The following PPEF1 variants were observed in gnomAD, a reference collection of about 807,000 sequenced individuals.
The protein encoded by PPEF1 is serine/threonine-protein phosphatase with EF-hands 1.
Under a neutral mutation model 53.3 loss-of-function variants are expected in PPEF1, and 12 were observed. The ratio of observed to expected loss-of-function variants is 0.23; its 90% CI spans 0.14 to 0.36. The LOEUF is 0.36. Ranked by LOEUF, PPEF1 falls within the 10% of genes least tolerant of loss-of-function variation. PPEF1 has a pLI of 1.00. For missense variants in PPEF1, 334 were observed against 490.4 expected, an observed-to-expected ratio of 0.68 and a Z score of 3.01; for synonymous variants, 165 against 176.7, an observed-to-expected ratio of 0.93 and a Z score of 0.52.
chrX:18,809,986 C>A (rs1340445916), intron 12 of PPEF1, among the ~76,000 whole-genome samples: 2 of 110,027 alleles, frequency 1.8e-5, no homozygotes, highest in Non-Finnish European at 3.8e-5. Flanking sequence ...TATATCAAAT[C>A]ATCACATTGT....
At position 18,783,894 on chromosome X, in the gene PPEF1, T is replaced by C. The variant is rs1431644260; in HGVS notation, c.763-5T>C. 1 of 1,204,825 alleles carries C rather than the reference T, an allele frequency of 8.3e-7. No individual in the cohort carries two copies. Among genetic ancestry groups the C allele is most frequent in the African/African-American group, 1.8e-5 (1 of 56,975 alleles). ...AACAAAACTTACTCAAGCTCTTACT[T>C]ACAGCTACATGGAAAAAGAATCTTA... is the stretch of plus-strand genomic sequence containing the variant. On this transcript the variant is annotated splice_polypyrimidine_tract_variant and splice_region_variant and intron_variant, in intron 8 of 15. Coordinates refer to ENST00000470157, the MANE Select transcript of PPEF1 (RefSeq NM_001377996.1).
At chrX:18,780,841 T>A (rs1411886060) in intron 7 of PPEF1, among the ~76,000 whole-genome samples, 2 of 108,787 alleles carry the variant, frequency 1.8e-5, no homozygotes, top group African/African-American at 6.7e-5. Context: ...GATCATGAGG[T>A]CAGGAGATTG....
rs151222000 is a variant in PPEF1, at chrX:18,749,816, G to A, written c.260G>A (p.Ser87Asn). 1 of 1,132,296 alleles carries A rather than the reference G, an allele frequency of 8.8e-7. No individual in the cohort carries two copies. The highest frequency in any genetic ancestry group is 2.2e-5 in the African/African-American group (1 of 45,670). 93.3% of individuals were successfully genotyped at this position (1,132,296 alleles called of 1,213,427 possible). ...ELELRNQSLE[S>N]EQDMRDRWDY... ...GAATTAAGAAATCAGTCTCTTGAAA[G>A]CGAACAGGACATGAGGGATAGATGG... Residue 87 changes from serine to asparagine, a missense_variant, in exon 4 of 16, where the codon AGC becomes AAC. Physicochemically the swap from Ser to Asn is conservative, Grantham distance 46. Transcript: ENST00000470157.
At chrX:18,688,167 T>A (rs1479313778) in intron 3 of PPEF1, among the ~76,000 whole-genome samples, 1 of 112,153 alleles carries the variant, frequency 8.9e-6, no homozygotes, top group Non-Finnish European at 1.9e-5. Context: ...CTAGTTTTTT[T>A]AAATGGCAAT....
intron 12 of PPEF1, among the ~76,000 whole-genome samples, chrX:18,811,725 A>C: frequency 9.4e-6 from 1 of 105,846 alleles, no homozygotes; most frequent in Middle Eastern, 4.9e-3. Flanking sequence ...CTCCTGCCTC[A>C]GCCTCTGAAG....
intron 6 of PPEF1, among the ~76,000 whole-genome samples, chrX:18,770,365 C>G (rs888112144): frequency 9.0e-6 from 1 of 111,554 alleles, no homozygotes; most frequent in Non-Finnish European, 1.9e-5. Flanking sequence ...TCTTACACAT[C>G]CAAATGAGTC....
chrX:18,736,107 G>A (rs948926999), intron 3 of PPEF1, among the ~76,000 whole-genome samples: 4 of 111,255 alleles, frequency 3.6e-5, no homozygotes, highest in Non-Finnish European at 7.5e-5. Flanking sequence ...TTTCCTAATT[G>A]AATACCCTTT....
intron 8 of PPEF1, 133 bp downstream of exon 8, chrX:18,782,535 T>C: frequency 2.2e-6 from 1 of 462,546 alleles, no homozygotes; most frequent in South Asian, 4.0e-5. Flanking sequence ...TGCATGCCAA[T>C]AAAATACAAG....
chrX:18,735,641 G>A (rs2044959039), intron 3 of PPEF1, among the ~76,000 whole-genome samples: 1 of 112,043 alleles, frequency 8.9e-6, no homozygotes, highest in East Asian at 2.8e-4. Context: ...GAACTTTAAA[G>A]TAGTTTTTTC....
intron 1 of PPEF1, among the ~76,000 whole-genome samples, chrX:18,719,521 A>C (rs2044534919): frequency 9.2e-6 from 1 of 109,161 alleles, no homozygotes; most frequent in African/African-American, 3.3e-5. Context: ...TAATTGTTAT[A>C]GTTTTTGTAG....
intron 7 of PPEF1, 147 bp from the exon 8 acceptor site, chrX:18,782,219 G>A: frequency 2.1e-6 from 1 of 480,200 alleles, no homozygotes; most frequent in Non-Finnish European, 3.6e-6. Flanking sequence ...GCCTAGCAAG[G>A]ACTCAGGTAA....
At chrX:18,726,568 T>G (rs7886631) in intron 1 of PPEF1, among the ~76,000 whole-genome samples, 10 of 110,988 alleles carry the variant, frequency 9.0e-5, no homozygotes, top group Non-Finnish European at 3.8e-5. Context: ...GAGATGATGA[T>G]GCTTGTGGGG....
chrX:18,802,853 C>G (rs5909088), intron 10 of PPEF1, among the ~76,000 whole-genome samples: 1 of 107,092 alleles, frequency 9.3e-6, no homozygotes, highest in Admixed American at 1.0e-4. Flanking sequence ...GCCAAAAAAA[C>G]AAAAAAAAAA....
intron 12 of PPEF1, among the ~76,000 whole-genome samples, chrX:18,812,828 A>C (rs1299747967): frequency 1.8e-5 from 2 of 110,257 alleles, no homozygotes; most frequent in Non-Finnish European, 3.8e-5. Flanking sequence ...GAGTGCAGTG[A>C]TGTGATCATA....
intron 13 of PPEF1, among the ~76,000 whole-genome samples, chrX:18,820,250 C>T (rs775375512): frequency 4.7e-4 from 52 of 111,635 alleles, no homozygotes; most frequent in Non-Finnish European, 7.5e-4. Flanking sequence ...TGTACTTATT[C>T]ATATAGCTTC....
At chrX:18,716,519 G>A (rs1452623053) in intron 1 of PPEF1, among the ~76,000 whole-genome samples, 7 of 80,682 alleles carry the variant, frequency 8.7e-5, no homozygotes, top group Admixed American at 1.7e-4. Context: ...GCGAGAGAGC[G>A]AGACACCATC....
At position 18,714,791 on chromosome X, in the gene PPEF1, T is replaced by C. The variant is rs765898285; in HGVS notation, c.46+6965T>C. Among the ~76,000 whole-genome samples, 4 of 112,349 alleles carry C rather than the reference T, an allele frequency of 3.6e-5. No individual in the cohort carries two copies. In the East Asian group the frequency reaches 1.1e-3, roughly 32 times the overall value. Reference sequence around the variant, plus strand: ...GCCAGGCCCTGTAACATACGTTTGATCCTCACAGCCTTTTGAAGGGTTGTT... The same window carrying C: ...GCCAGGCCCTGTAACATACGTTTGACCCTCACAGCCTTTTGAAGGGTTGTT... On this transcript the variant is annotated intron_variant, in intron 1 of 15. Transcript: ENST00000470157.
intron 2 of PPEF1, among the ~76,000 whole-genome samples, chrX:18,731,998 T>C (rs915734454): frequency 2.7e-5 from 3 of 112,478 alleles, no homozygotes; most frequent in Middle Eastern, 4.6e-3. Flanking sequence ...CCGATTCTCC[T>C]GCCTCAGCCT....
At chrX:18,773,974 A>C in intron 6 of PPEF1, among the ~76,000 whole-genome samples, 1 of 112,348 alleles carries the variant, frequency 8.9e-6, no homozygotes, top group Non-Finnish European at 1.9e-5. Context: ...TTAATACTTA[A>C]ATGCAAGTTT....
Sources: allele counts gnomAD v4.1 joint callset (sites outside exome capture counted in the v4.1 genomes callset), GRCh38; gene constraint gnomAD v4.1.1; transcripts MANE v1.5; gene names NCBI Gene and HGNC (gene_info 2026-07-23, HGNC 2026-07-21).